Variants in OCIAD2 observed in about 807,000 individuals in gnomAD.
OCIAD2 encodes OCIA domain-containing protein 2.
Under a neutral mutation model 22.9 loss-of-function variants are expected in OCIAD2, and 29 were observed. The observed-to-expected ratio is 1.27, with a 90% CI of 0.94 to 1.73. The LOEUF is 1.73. Ranked by LOEUF, OCIAD2 falls within the 40% of genes most tolerant of loss-of-function variation. The probability of loss-of-function intolerance (pLI) is 0.00; values close to 1 mark genes in which losing one functional copy is unlikely to be tolerated. For synonymous variants in OCIAD2, 67 were observed against 60.2 expected (o/e 1.11, Z -0.52); for missense variants, 189 against 180.3 (o/e 1.05, Z -0.28).
In OCIAD2 at chr4:48,903,082, C is replaced by T. The variant is rs550858551; in HGVS notation, c.66+1402G>A. ...CTTTCTATCATTTGTCTGTTTGCCT[C>T]GCCTAAACTTTGCTCCTTAAACATT... On this transcript the variant is annotated intron_variant, in intron 2 of 6. Coordinates refer to ENST00000508632, the MANE Select transcript of OCIAD2 (RefSeq NM_001014446.3). Among the ~76,000 whole-genome samples, 23 of 152,320 alleles carry T rather than the reference C, an allele frequency of 1.5e-4. No homozygotes were observed. In the South Asian group the frequency reaches 3.9e-3, roughly 26 times the overall value.
chr4:48,893,730 G>C (rs1781233331), intron 5 of OCIAD2: 1 of 223,844 alleles, frequency 4.5e-6, no homozygotes, highest in Non-Finnish European at 8.6e-6. Context: ...AAGAAATGCA[G>C]AGTGGCAGAA....
At chr4:48,899,769 C>G (rs1011142794) in intron 3 of OCIAD2, 60 bp downstream of exon 3, 31 of 1,168,398 alleles carry the variant, frequency 2.7e-5, no homozygotes, top group Non-Finnish European at 3.9e-5. Flanking sequence ...GTCATTACCA[C>G]AATTCTAATA....
intron 4 of OCIAD2, among the ~76,000 whole-genome samples, chr4:48,895,718 T>C (rs781490029): frequency 3.9e-5 from 6 of 152,196 alleles, no homozygotes; most frequent in South Asian, 2.1e-4. Flanking sequence ...TTAATACTTA[T>C]AAAACATAAT....
chr4:48,890,442 C>G (rs992087319), intron 6 of OCIAD2, among the ~76,000 whole-genome samples: 1 of 152,042 alleles, frequency 6.6e-6, no homozygotes, highest in Admixed American at 6.6e-5. Flanking sequence ...AAATTATAAA[C>G]ACACAGTGCA....
intron 6 of OCIAD2, among the ~76,000 whole-genome samples, chr4:48,888,401 A>C (rs1189407297): frequency 4.6e-5 from 7 of 152,064 alleles, no homozygotes; most frequent in African/African-American, 1.4e-4. Flanking sequence ...GAGAGGGCAT[A>C]CCTGTCTTGT....
chr4:48,904,355 T>G, intron 2 of OCIAD2, 129 bp downstream of exon 2: 2 of 828,978 alleles, frequency 2.4e-6, no homozygotes. Context: ...GAAGCTCAAG[T>G]AGGAGGATCA....
rs553762915 is a variant in OCIAD2, at chr4:48,898,311, T to G, written c.164-454A>C. ...CATCTAGATTCATTAATTGTGAACA[T>G]TTTGCCAAATTTGCTTTATCTCTTT... On this transcript the variant is annotated intron_variant, in intron 3 of 6. Transcript: ENST00000508632. 4.2e-4 allele frequency among the ~76,000 whole-genome samples: 64 copies of G among 152,312 alleles called. 1 individual carries two copies. The highest frequency in any genetic ancestry group is 1.5e-3 in the African/African-American group (61 of 41,564).
chr4:48,891,287 C>T (rs531419840), intron 6 of OCIAD2, among the ~76,000 whole-genome samples: 2 of 152,150 alleles, frequency 1.3e-5, no homozygotes, highest in Non-Finnish European at 2.9e-5. Flanking sequence ...TCCACCTCAA[C>T]TGAGTTAAGT....
At chr4:48,902,085 A>T (rs1163480293) in intron 2 of OCIAD2, among the ~76,000 whole-genome samples, 60 of 151,530 alleles carry the variant, frequency 4.0e-4, no homozygotes, top group Middle Eastern at 3.4e-3. Context: ...TTTTTTTTTT[A>T]AATTTAACTT....
intron 6 of OCIAD2, among the ~76,000 whole-genome samples, chr4:48,888,249 G>C (rs545264116): frequency 3.7e-4 from 57 of 152,208 alleles, no homozygotes; most frequent in African/African-American, 1.3e-3. Context: ...GAGATGATGG[G>C]GTTTTCTAAA....
At chr4:48,900,190 G>A (rs946464012) in intron 2 of OCIAD2, among the ~76,000 whole-genome samples, 1 of 140,964 alleles carries the variant, frequency 7.1e-6, no homozygotes, top group African/African-American at 2.5e-5. Flanking sequence ...GCAGATTTGC[G>A]ATCAGGCTGA....
chr4:48,892,763 AT>A lies in OCIAD2; in HGVS notation c.383+8del. The A allele has an allele frequency of 7.2e-7, 1 of 1,392,032 alleles. No individual in the cohort carries two copies. Among genetic ancestry groups the A allele is most frequent in the Non-Finnish European group, 1.0e-6 (1 of 991,752 alleles). 86.2% of individuals were successfully genotyped at this position (1,392,032 alleles called of 1,614,324 possible). On this transcript the variant is annotated splice_region_variant and intron_variant, in intron 6 of 6. Coordinates refer to ENST00000508632, the MANE Select transcript of OCIAD2 (RefSeq NM_001014446.3). ...ACATTACAATCCCTCAACCAAACAG[AT>A]TACAAACCTGTTATGCTGTGGACCA...
intron 6 of OCIAD2, among the ~76,000 whole-genome samples, chr4:48,887,841 G>A (rs951926121): frequency 2.0e-5 from 3 of 152,142 alleles, no homozygotes; most frequent in Non-Finnish European, 4.4e-5. Context: ...GGTTCCATAT[G>A]AATTTTAAGG....
At chr4:48,900,345 A>G (rs758581767) in intron 2 of OCIAD2, among the ~76,000 whole-genome samples, 1 of 152,206 alleles carries the variant, frequency 6.6e-6, no homozygotes, top group Non-Finnish European at 1.5e-5. Context: ...GATTTTCCCT[A>G]TAGCACAATA....
In OCIAD2 at chr4:48,885,574, GA is replaced by G. The variant is rs1780960038; in HGVS notation, c.384-10del. 1.3e-6 allele frequency: 2 copies of G among 1,550,738 alleles called. No homozygotes were observed. Among genetic ancestry groups the G allele is most frequent in the Non-Finnish European group, 1.8e-6 (2 of 1,123,942 alleles). On this transcript the variant is annotated splice_polypyrimidine_tract_variant and intron_variant, in intron 6 of 6. Coordinates refer to ENST00000508632, the MANE Select transcript of OCIAD2 (RefSeq NM_001014446.3). The stretch of plus-strand genomic sequence containing the variant: ...AGGTAAGGAGGCAGTGCCTAGAAGA[GA>G]AGCAAAAATAGACAGCGGTTTGTAC...
intron 4 of OCIAD2, among the ~76,000 whole-genome samples, chr4:48,896,131 C>G (rs544109688): frequency 6.6e-6 from 1 of 152,250 alleles, no homozygotes; most frequent in Non-Finnish European, 1.5e-5. Context: ...ATGCTATCTT[C>G]AAATTATAAA....
At chr4:48,891,460 A>C (rs868713780) in intron 6 of OCIAD2, among the ~76,000 whole-genome samples, 50 of 152,204 alleles carry the variant, frequency 3.3e-4, no homozygotes, top group African/African-American at 1.2e-3. Context: ...GGAAGGCAAA[A>C]TGAAACCCCA....
chr4:48,892,057 C>A (rs1781191620), intron 6 of OCIAD2, among the ~76,000 whole-genome samples: 1 of 152,184 alleles, frequency 6.6e-6, no homozygotes, highest in Admixed American at 6.5e-5. Context: ...AGTTTGTTTT[C>A]ACCATATTGT....
intron 6 of OCIAD2, among the ~76,000 whole-genome samples, chr4:48,891,916 T>C (rs1312356261): frequency 6.6e-6 from 1 of 152,226 alleles, no homozygotes; most frequent in Non-Finnish European, 1.5e-5. Flanking sequence ...TCTCTGCAGC[T>C]CTTTGGGTCT....
Sources: gnomAD v4.1 joint callset for allele counts (sites outside exome capture counted in the v4.1 genomes callset) on GRCh38, gnomAD v4.1.1 for gene constraint, MANE v1.5 for transcripts, NCBI Gene and HGNC (gene_info 2026-07-23, HGNC 2026-07-21) for gene names.